The following PPP1R9A variants were observed in gnomAD, a reference collection of about 807,000 sequenced individuals.
PPP1R9A encodes the protein protein phosphatase 1 regulatory subunit 9A.
PPP1R9A carries 59 observed loss-of-function variants against 141.9 expected under a neutral mutation model. The observed-to-expected ratio is 0.42, with a 90% CI of 0.34 to 0.52. The LOEUF is 0.52. Ranked by LOEUF, PPP1R9A falls within the 20% of genes least tolerant of loss-of-function variation. The probability of loss-of-function intolerance (pLI) is 0.10; values close to 1 mark genes in which losing one functional copy is unlikely to be tolerated. For synonymous variants in PPP1R9A, 500 were observed against 569.7 expected (o/e 0.88, Z 1.74); for missense variants, 1,444 against 1,611.9 (o/e 0.90, Z 1.78).
intron 2 of PPP1R9A, among the ~76,000 whole-genome samples, chr7:94,933,209 A>G (rs1222521960): frequency 1.3e-5 from 2 of 152,200 alleles, no homozygotes; most frequent in African/African-American, 2.4e-5. Context: ...GTAGTTTGCC[A>G]TGATTCCACT....
intron 2 of PPP1R9A, among the ~76,000 whole-genome samples, chr7:95,000,012 G>C (rs1802694154): frequency 6.6e-6 from 1 of 151,844 alleles, no homozygotes; most frequent in African/African-American, 2.4e-5. Flanking sequence ...CATGTTGACT[G>C]GGCTGGTCTT....
At chr7:94,926,265 T>A (rs2150773761) in intron 2 of PPP1R9A, among the ~76,000 whole-genome samples, 1 of 152,340 alleles carries the variant, frequency 6.6e-6, no homozygotes, top group African/African-American at 2.4e-5. Context: ...GAAGCTGTTG[T>A]GCTCTCTTTC....
intron 4 of PPP1R9A, among the ~76,000 whole-genome samples, chr7:95,130,539 G>A (rs1328595868): frequency 6.6e-6 from 1 of 152,176 alleles, no homozygotes; most frequent in African/African-American, 2.4e-5. Context: ...GCACTGCCTA[G>A]TGGAGCTATG....
intron 2 of PPP1R9A, among the ~76,000 whole-genome samples, chr7:95,081,446 A>G (rs145751396): frequency 0.017 from 2,631 of 152,358 alleles, 33 homozygotes; most frequent in Middle Eastern, 0.031. Flanking sequence ...AAAGGTCCAA[A>G]TCAAACTTCT....
At chr7:95,199,293 A>G (rs1458184476) in intron 6 of PPP1R9A, among the ~76,000 whole-genome samples, 2 of 152,240 alleles carry the variant, frequency 1.3e-5, no homozygotes, top group Non-Finnish European at 2.9e-5. Flanking sequence ...AGATCCATCA[A>G]CAATTTAATT....
At chr7:95,021,715 A>G (rs557763245) in intron 2 of PPP1R9A, among the ~76,000 whole-genome samples, 1 of 152,238 alleles carries the variant, frequency 6.6e-6, no homozygotes, top group African/African-American at 2.4e-5. Context: ...AACACCATTT[A>G]TTAAATAGGG....
intron 16 of PPP1R9A, among the ~76,000 whole-genome samples, chr7:95,280,690 G>C (rs1275593117): frequency 6.6e-6 from 1 of 152,022 alleles, no homozygotes; most frequent in Non-Finnish European, 1.5e-5. Context: ...TAAAAAAGAA[G>C]GTGAAGGGAA....
rs1049670033 is a variant in PPP1R9A at position 95,269,595 on chromosome 7, T to A, written c.3124+88T>A. 3.8e-6 allele frequency: 4 copies of A among 1,047,418 alleles called. No homozygotes were observed. The Admixed American group carries it at 1.1e-4, about 29-fold the overall frequency. The allele number at this position is 1,047,418 out of a possible 1,614,324, so 64.9% of individuals were successfully genotyped here. A position where few individuals can be genotyped will look rare whatever the true frequency, so the allele number is the denominator to read the frequency against. On this transcript the variant is annotated intron_variant, in intron 14 of 19. Transcript: ENST00000433360. ...TTTCTCATAATCATAAGTCATTTGT[T>A]TTCTCATAGCTAATAATTAATATTA... is the stretch of plus-strand genomic sequence containing the variant.
chr7:94,943,692 G>A (rs572039194), intron 2 of PPP1R9A, among the ~76,000 whole-genome samples: 2 of 152,194 alleles, frequency 1.3e-5, no homozygotes, highest in Admixed American at 1.3e-4. Flanking sequence ...TTGGGAGATG[G>A]GATGGAGATA....
intron 5 of PPP1R9A, among the ~76,000 whole-genome samples, chr7:95,177,673 G>A (rs1237836940): frequency 6.6e-6 from 1 of 152,032 alleles, no homozygotes; most frequent in Non-Finnish European, 1.5e-5. Context: ...TAAACTTAAA[G>A]AAGCAGAAAA....
intron 2 of PPP1R9A, among the ~76,000 whole-genome samples, chr7:95,019,885 A>G (rs1269177264): frequency 1.3e-5 from 2 of 152,208 alleles, no homozygotes; most frequent in Non-Finnish European, 2.9e-5. Flanking sequence ...ACATGTGCCC[A>G]TACAGAAATT....
In PPP1R9A at chr7:95,092,346, CTT is replaced by C. The variant is rs113520728; in HGVS notation, c.1396-18899_1396-18898del. 3.7e-3 allele frequency among the ~76,000 whole-genome samples: 515 copies of C among 139,560 alleles called. 4 individuals are homozygous for C. The highest frequency in any genetic ancestry group is 0.011 in the African/African-American group (438 of 38,280). The allele number at this position is 139,560 out of a possible 152,430, so 91.6% of individuals were successfully genotyped here. A position where few individuals can be genotyped will look rare whatever the true frequency, so the allele number is the denominator to read the frequency against. ...TCTTGTCTGTATCTTATACTACACG[CTT>C]TTTTTTTTTTTTTGATTAAAGACTA... On this transcript the variant is annotated intron_variant, in intron 2 of 19. Coordinates refer to ENST00000433360, the MANE Select transcript of PPP1R9A (RefSeq NM_001166160.2).
rs757496339 is a variant in PPP1R9A, at chr7:95,286,258, T to C, written c.3662T>C (p.Leu1221Pro). The C allele has an allele frequency of 6.2e-7, 1 of 1,613,728 alleles. No homozygotes were observed. The highest frequency in any genetic ancestry group is 8.5e-7 in the Non-Finnish European group (1 of 1,179,716). ...FSPSSTSSADLSGLGAEPKTP... is the reference protein window; with the variant it reads ...FSPSSTSSADPSGLGAEPKTP... ...CCCAGCAGTACCAGTTCAGCAGACC[T>C]CAGCGGCTTAGGAGCAGAACCTAAA... is the stretch of plus-strand genomic sequence containing the variant. The change falls in exon 18 of 20, where the codon CTC becomes CCC. Residue 1221 changes from leucine (L) to proline (P), a missense_variant. Leu to Pro is a moderately conservative substitution (Grantham distance 98). Around this residue, in one of 5 missense-constraint regions of PPP1R9A, gnomAD observed 459 missense variants for 513.8 expected, o/e 0.89. Coordinates refer to ENST00000433360, the MANE Select transcript of PPP1R9A (RefSeq NM_001166160.2).
At chr7:95,078,610 G>A (rs955886232) in intron 2 of PPP1R9A, among the ~76,000 whole-genome samples, 5 of 152,160 alleles carry the variant, frequency 3.3e-5, no homozygotes, top group Non-Finnish European at 7.3e-5. Flanking sequence ...GTGTAAAAGT[G>A]TTCTATTTCT....
At chr7:95,075,015 G>T (rs1161432037) in intron 2 of PPP1R9A, among the ~76,000 whole-genome samples, 1 of 151,842 alleles carries the variant, frequency 6.6e-6, no homozygotes, top group Non-Finnish European at 1.5e-5. Flanking sequence ...CCATGTAATT[G>T]GTTCATTTTT....
rs553520829 is a variant in PPP1R9A at position 95,107,116 on chromosome 7, A to C, written c.1396-4143A>C. On this transcript the variant is annotated intron_variant, in intron 2 of 19. Transcript: ENST00000433360. ...TAGTCTTTAAAAAAAATCTATTCTT[A>C]TGGATGAATGCATAGTATCTCCTTG... Among the ~76,000 whole-genome samples, 5 of 152,156 alleles carry C rather than the reference A, an allele frequency of 3.3e-5. No homozygotes were observed. In the East Asian group the frequency reaches 7.7e-4, roughly 24 times the overall value.
chr7:95,115,998 C>T (rs1821440168), intron 3 of PPP1R9A, among the ~76,000 whole-genome samples: 1 of 151,052 alleles, frequency 6.6e-6, no homozygotes, highest in African/African-American at 2.4e-5. Flanking sequence ...GTTCATTATT[C>T]AAAGATTCAT....
chr7:95,263,838 T>C (rs539426521), intron 12 of PPP1R9A, among the ~76,000 whole-genome samples: 18 of 152,252 alleles, frequency 1.2e-4, no homozygotes, highest in Non-Finnish European at 2.5e-4. Context: ...TTTACCCACT[T>C]AACATCTTGC....
intron 4 of PPP1R9A, among the ~76,000 whole-genome samples, chr7:95,124,746 A>G (rs1341738510): frequency 6.6e-6 from 1 of 152,136 alleles, no homozygotes; most frequent in Non-Finnish European, 1.5e-5. Flanking sequence ...ATTTATTTCA[A>G]TTTAAACTCA....
Sources: gnomAD v4.1 joint callset for allele counts (sites outside exome capture counted in the v4.1 genomes callset) on GRCh38, gnomAD v4.1.1 for gene constraint, gnomAD v4.1.1 regional missense constraint, MANE v1.5 for transcripts, NCBI Gene and HGNC (gene_info 2026-07-23, HGNC 2026-07-21) for gene names.